Variants in POMGNT1 observed in about 807,000 individuals in gnomAD.
The protein encoded by POMGNT1 is protein O-linked mannose N-acetylglucosaminyltransferase 1 (beta 1,2-), also known as protein O-linked-mannose beta-1,2-N-acetylglucosaminyltransferase 1.
POMGNT1 carries 67 observed loss-of-function variants against 95.6 expected under a neutral mutation model. The ratio of observed to expected loss-of-function variants is 0.70; its 90% CI spans 0.58 to 0.86. The LOEUF (loss-of-function observed/expected upper bound fraction) is 0.86. Ranked by LOEUF, POMGNT1 falls within the 40% of genes least tolerant of loss-of-function variation. The pLI, the probability that POMGNT1 is intolerant of heterozygous loss-of-function variation, is 0.00. For synonymous variants in POMGNT1, 298 were observed against 317.9 expected (o/e 0.94, Z 0.66); for missense variants, 719 against 855.2 (o/e 0.84, Z 1.99).
chr1:46,195,775 G>C, intron 6 of POMGNT1, 36 bp downstream of exon 6: 1 of 1,542,446 alleles, frequency 6.5e-7, no homozygotes, highest in Non-Finnish European at 8.8e-7. Context: ...GTTGGAGCTA[G>C]GGAGTAGGGG....
chr1:46,195,811 C>T lies in POMGNT1; in HGVS notation c.534G>A (p.Lys178=), dbSNP rs1557676688. The T allele has an allele frequency of 1.9e-6, 3 of 1,589,060 alleles. No individual in the cohort carries two copies. The South Asian group carries it at 3.4e-5, about 18-fold the overall frequency. Residue 178 remains lysine (K), a splice_region_variant and synonymous_variant, in exon 6 of 22, where the codon AAG becomes AAA. Transcript: ENST00000371984. ...APGRVLICTV[K]DEGSFHLKDT... The stretch of plus-strand genomic sequence containing the variant: ...TCAGGGTCAGGACAGAATAACTGAC[C>T]TTGACAGTGCAGATGAGCACTCGGC...
In POMGNT1 at chr1:46,204,001, G is replaced by C. The variant is rs145374065; in HGVS notation, c.-50-6130C>G. Among the ~76,000 whole-genome samples, 1,053 of 152,240 alleles carry C rather than the reference G, an allele frequency of 6.9e-3. 14 individuals are homozygous for C. The highest frequency in any genetic ancestry group is 0.023 in the African/African-American group (972 of 41,530). On this transcript the variant is annotated intron_variant, in intron 1 of 22. Coordinates refer to the POMGNT1 transcript ENST00000371992. ...CGCCAGTCCCCGTTGTAAGGCAACC[G>C]GTTTTTTCTCCTTCTGCTAACCGGG...
chr1:46,208,613 C>T (rs1250567472), intron 1 of POMGNT1, among the ~76,000 whole-genome samples: 2 of 152,062 alleles, frequency 1.3e-5, no homozygotes, highest in East Asian at 1.9e-4. Context: ...GAGGCCGAGG[C>T]GGGCGGATCA....
In POMGNT1 at chr1:46,196,938, G is replaced by A; in HGVS notation, c.235+32C>T. ...CTGCCACTCCAGCTGTGAGATCCAA[G>A]GCCCCCTACCCCATCCTTAGCCTAG... On this transcript the variant is annotated intron_variant, in intron 3 of 21. Transcript: ENST00000371984. This position sits in a 1 kb window ranked among gnomAD's most constrained non-coding sequence, Gnocchi z 4.4. The A allele has an allele frequency of 4.3e-6, 7 of 1,614,166 alleles. No homozygotes were observed. The highest frequency in any genetic ancestry group is 5.9e-6 in the Non-Finnish European group (7 of 1,180,014).
chr1:46,195,999 C>T lies in POMGNT1; in HGVS notation c.420+13G>A. 6.2e-7 allele frequency: 1 copy of T among 1,614,050 alleles called. No individual in the cohort carries two copies. Among genetic ancestry groups the T allele is most frequent in the Non-Finnish European group, 8.5e-7 (1 of 1,180,016 alleles). On this transcript the variant is annotated intron_variant, in intron 5 of 21. Transcript: ENST00000371984. ...GCTCCAGCCCTCTGGGTCACCCACC[C>T]CTAGAAACTCACCGTGGCCTGGTTG...
chr1:46,193,336 G>C lies in POMGNT1; in HGVS notation c.1079C>G (p.Pro360Arg). Residue 360 changes from proline to arginine, a missense_variant, in exon 12 of 22, where the codon CCC becomes CGC. Transcript: ENST00000371984. ...CACGCGGGCATTCTTGATGCTGATG[G>C]GAGTATGCTGGATGCCCCTCAGACC... ...LFGLRGIQHT[P>R]ISIKNARVSQ... The C allele has an allele frequency of 1.2e-6, 2 of 1,613,630 alleles. No homozygotes were observed. The highest frequency in any genetic ancestry group is 2.2e-5 in the South Asian group (2 of 90,924).
intron 17 of POMGNT1, chr1:46,191,329 T>G (rs1304725116): frequency 5.1e-6 from 1 of 197,418 alleles, no homozygotes; most frequent in Non-Finnish European, 1.0e-5. Flanking sequence ...CCTCCCTTGC[T>G]GTAACTGGGG....
chr1:46,213,116 T>C (rs1200061875), intron 1 of POMGNT1, among the ~76,000 whole-genome samples: 1 of 152,048 alleles, frequency 6.6e-6, no homozygotes, highest in East Asian at 1.9e-4. Context: ...TATGCACATA[T>C]ATATAAACAT....
In POMGNT1 at chr1:46,197,687, G is replaced by A; in HGVS notation, c.120+15C>T. 1.2e-6 allele frequency: 2 copies of A among 1,614,040 alleles called. No homozygotes were observed. The highest frequency in any genetic ancestry group is 1.7e-6 in the Non-Finnish European group (2 of 1,179,946). On this transcript the variant is annotated intron_variant, in intron 2 of 21. Transcript: ENST00000371984. The stretch of plus-strand genomic sequence containing the variant: ...AGGGAGCGCTCGGTGGGGAGGGTTT[G>A]GGACATCTCTATACCTGACAGAATC...
Position 46,196,176 on chromosome 1 carries a change from T to C in POMGNT1, c.355-99A>G. On this transcript the variant is annotated intron_variant, in intron 4 of 21. Transcript: ENST00000371984. The surrounding 1 kb of genome is among the most constrained non-coding windows in gnomAD (Gnocchi z 4.4). ...AACACCAGCTGCTTGAAACATCACC[T>C]CCTGCCTATGTTTCTGTTCACACAG... 1 of 1,586,194 alleles carries C rather than the reference T, an allele frequency of 6.3e-7. No homozygotes were observed. The highest frequency in any genetic ancestry group is 1.1e-5 in the South Asian group (1 of 88,052).
In POMGNT1 at chr1:46,194,805, T is replaced by C. The variant is rs757577157; in HGVS notation, c.652+39A>G. On this transcript the variant is annotated intron_variant, in intron 7 of 21. Coordinates refer to ENST00000371984, the MANE Select transcript of POMGNT1 (RefSeq NM_017739.4). ...TCCTAGGGTTCTGCTCCTCCCAGGC[T>C]CTTGATACTACAGAGTGGATGGCCT... 1.2e-5 allele frequency: 20 copies of C among 1,613,634 alleles called. No individual in the cohort carries two copies. In the Admixed American group the frequency reaches 3.2e-4, roughly 26 times the overall value.
rs1571673785 is a variant in POMGNT1 at position 46,198,316 on chromosome 1, A to G, written c.-51+20T>C. The G allele has an allele frequency of 6.5e-6, 1 of 154,188 alleles. No individual in the cohort carries two copies. The highest frequency in any genetic ancestry group is 1.9e-4 in the East Asian group (1 of 5,180). The allele number at this position is 154,188 out of a possible 1,614,324, so 9.6% of individuals were successfully genotyped here. Reference sequence around the variant, plus strand: ...ACCGGCAGCGCTACCCGTTCCGGACACCCACGCGGAGGCACTCACGGCTTA... The same window carrying G: ...ACCGGCAGCGCTACCCGTTCCGGACGCCCACGCGGAGGCACTCACGGCTTA... On this transcript the variant is annotated intron_variant, in intron 1 of 21. Transcript: ENST00000371984.
chr1:46,198,531 G>T, upstream of POMGNT1: 1 of 149,210 alleles, frequency 6.7e-6, no homozygotes, highest in Non-Finnish European at 1.4e-5. Context: ...CGGCGGCGGC[G>T]GCGGCGGCGG....
intron 1 of POMGNT1, among the ~76,000 whole-genome samples, chr1:46,210,664 G>C (rs1404988178): frequency 6.6e-6 from 1 of 152,218 alleles, no homozygotes; most frequent in East Asian, 1.9e-4. Context: ...TAGATGAAGA[G>C]ATGCATGGGG....
Position 46,196,962 on chromosome 1 carries a change from A to C in POMGNT1, c.235+8T>G, listed in dbSNP as rs754022136. 2 of 1,614,176 alleles carry C rather than the reference A, an allele frequency of 1.2e-6. No individual in the cohort carries two copies. Among genetic ancestry groups the C allele is most frequent in the Non-Finnish European group, 8.5e-7 (1 of 1,180,018 alleles). ...AGGCCCCCTACCCCATCCTTAGCCT[A>C]GCCCTACCATAGTCTTGCTCTGGCT... is the stretch of plus-strand genomic sequence containing the variant. On this transcript the variant is annotated splice_region_variant and intron_variant, in intron 3 of 21. Coordinates refer to ENST00000371984, the MANE Select transcript of POMGNT1 (RefSeq NM_017739.4). This position sits in a 1 kb window ranked among gnomAD's most constrained non-coding sequence, Gnocchi z 4.4.
chr1:46,206,088 T>A (rs554771304), intron 1 of POMGNT1, among the ~76,000 whole-genome samples: 3 of 152,228 alleles, frequency 2.0e-5, no homozygotes, highest in Admixed American at 6.5e-5. Context: ...GGCAACTTCT[T>A]CTTAGTTCTC....
chr1:46,198,646 A>C (rs1658433715), upstream of POMGNT1, among the ~76,000 whole-genome samples: 1 of 152,138 alleles, frequency 6.6e-6, no homozygotes, highest in African/African-American at 2.4e-5. Flanking sequence ...TGCCTGCACG[A>C]GAGCAGCCCG....
At position 46,192,168 on chromosome 1, in the gene POMGNT1, C is replaced by T. The variant is rs267606960; in HGVS notation, c.1469G>A (p.Cys490Tyr). Reference sequence around the variant, plus strand: ...GGATCGGGAAACGTCAGGGATGATGCACTCTCGGCCCCGGCGTTGTTCAGG... The same window carrying T: ...GGATCGGGAAACGTCAGGGATGATGTACTCTCGGCCCCGGCGTTGTTCAGG... ...RMPEQRRGRE[C>Y]IIPDVSRSYH... The change falls in exon 17 of 22, where the codon TGC (cysteine) becomes TAC (tyrosine). Residue 490 changes from cysteine (C) to tyrosine (Y), a missense_variant. Physicochemically the swap from Cys to Tyr is radical, Grantham distance 194. Transcript: ENST00000371984. The T allele has an allele frequency of 5.1e-5, 82 of 1,614,032 alleles. No individual in the cohort carries two copies. Among genetic ancestry groups the T allele is most frequent in the Non-Finnish European group, 6.4e-5 (76 of 1,180,004 alleles).
At chr1:46,197,477 C>T in intron 2 of POMGNT1, 1 of 1,485,020 alleles carries the variant, frequency 6.7e-7, no homozygotes, top group Admixed American at 2.3e-5. Flanking sequence ...CCTGATCAGA[C>T]TTCAGGCTTC....
Sources: allele counts gnomAD v4.1 joint callset (sites outside exome capture counted in the v4.1 genomes callset), GRCh38; gene constraint gnomAD v4.1.1; non-coding constraint Gnocchi (gnomAD v3.1); transcripts MANE v1.5; gene names NCBI Gene and HGNC (gene_info 2026-07-23, HGNC 2026-07-21).